ZNF568: variants seen among roughly 807,000 people sequenced by gnomAD.
The protein encoded by ZNF568 is zinc finger protein 568.
A neutral mutation model predicts 18.1 loss-of-function variants in ZNF568; 11 were observed. The observed-to-expected ratio is 0.61, with a 90% CI of 0.38 to 1.00. The LOEUF (loss-of-function observed/expected upper bound fraction) is 1.00, where lower values mean the gene tolerates loss of function less well. Ranked by LOEUF, ZNF568 falls within the 50% of genes least tolerant of loss-of-function variation. The pLI, the probability that ZNF568 is intolerant of heterozygous loss-of-function variation, is 0.01. For missense variants in ZNF568, 639 were observed against 768.2 expected, an observed-to-expected ratio of 0.83 and a Z score of 1.99; for synonymous variants, 213 against 246.6, an observed-to-expected ratio of 0.86 and a Z score of 1.28.
At chr19:36,964,133 T>G (rs989260674) in intron 6 of ZNF568, among the ~76,000 whole-genome samples, 3 of 139,120 alleles carry the variant, frequency 2.2e-5, no homozygotes, top group Non-Finnish European at 4.7e-5. Flanking sequence ...TTGTAAGATC[T>G]CAGGAAGGAA....
At position 36,950,286 on chromosome 19, in the gene ZNF568, C is replaced by G. The variant is rs753038438; in HGVS notation, c.1133C>G (p.Thr378Arg). 1 of 1,613,700 alleles carries G rather than the reference C, an allele frequency of 6.2e-7. No homozygotes were observed. The highest frequency in any genetic ancestry group is 8.5e-7 in the Non-Finnish European group (1 of 1,179,952). The change falls in exon 7 of 7, where the codon ACG becomes AGG. Residue 378 changes from threonine (T) to arginine (R), a missense_variant. Physicochemically the swap from Thr to Arg is moderately conservative, Grantham distance 71. Transcript: ENST00000333987. Reference protein sequence around the residue: ...GRAFSRMSSVTLHMRSHTGEK... With the variant: ...GRAFSRMSSVRLHMRSHTGEK... ...GCTTTTTCTCGAATGTCATCTGTTA[C>G]GCTACATATGAGAAGTCACACAGGG...
intron 2 of ZNF568, among the ~76,000 whole-genome samples, chr19:36,986,212 T>C (rs2547051): frequency 0.53 from 80,792 of 151,702 alleles, 22,004 homozygotes; most frequent in African/African-American, 0.61. Context: ...TCAGGCAGTT[T>C]TCCTAGCGGA....
intron 6 of ZNF568, among the ~76,000 whole-genome samples, chr19:36,943,981 C>T (rs779832638): frequency 5.0e-4 from 76 of 152,084 alleles, no homozygotes; most frequent in Non-Finnish European, 1.0e-3. Flanking sequence ...AAAACTTTTG[C>T]CTCTTTTAGC....
At chr19:36,981,507 A>G (rs2074331094), downstream of ZNF568, among the ~76,000 whole-genome samples, 1 of 152,238 alleles carries the variant, frequency 6.6e-6, no homozygotes, top group South Asian at 2.1e-4. Flanking sequence ...TTTTATAATT[A>G]GAGTCTTACA....
intron 6 of ZNF568, among the ~76,000 whole-genome samples, chr19:36,964,511 T>G (rs2074179363): frequency 6.6e-6 from 1 of 152,144 alleles, no homozygotes; most frequent in South Asian, 2.1e-4. Flanking sequence ...ATCTGATCTT[T>G]AAGTCAAAAT....
chr19:36,978,773 T>C (rs1463091420), intron 7 of ZNF568, among the ~76,000 whole-genome samples: 1 of 152,144 alleles, frequency 6.6e-6, no homozygotes, highest in Non-Finnish European at 1.5e-5. Flanking sequence ...CGTGTTAAAC[T>C]ACTAGCAGTT....
chr19:36,984,943 T>C (rs1600854888), intron 2 of ZNF568, among the ~76,000 whole-genome samples: 1 of 129,378 alleles, frequency 7.7e-6, no homozygotes, highest in Non-Finnish European at 1.6e-5. Flanking sequence ...TTAAGACTTA[T>C]TGGGCTTCCT....
chr19:36,981,041 C>T (rs1313495826), downstream of ZNF568, among the ~76,000 whole-genome samples: 1 of 152,202 alleles, frequency 6.6e-6, no homozygotes, highest in African/African-American at 2.4e-5. Flanking sequence ...TTCCCAAGAG[C>T]TGGGACAAAG....
rs377015408 is a variant in ZNF568, at chr19:36,960,742, A to AT, written c.359-13669dup. On this transcript the variant is annotated intron_variant, in intron 6 of 7. Coordinates refer to the ZNF568 transcript ENST00000427117. Reference sequence around the variant, plus strand: ...AAACTCCATCTCAAAAAAAAAAAAAATTTTTTTTTCTTTCAATTTTCATTT... The same window carrying AT: ...AAACTCCATCTCAAAAAAAAAAAAAATTTTTTTTTTCTTTCAATTTTCATTT... Among the ~76,000 whole-genome samples the AT allele has an allele frequency of 2.8e-3, 387 of 137,110 alleles. 3 individuals carry two copies. The highest frequency in any genetic ancestry group is 9.9e-3 in the African/African-American group (362 of 36,672). The allele number at this position is 137,110 out of a possible 152,430, so 89.9% of individuals were successfully genotyped here.
chr19:36,925,310 G>T, intron 4 of ZNF568, 52 bp downstream of exon 4: 1 of 1,528,396 alleles, frequency 6.5e-7, no homozygotes, highest in Non-Finnish European at 9.0e-7. Flanking sequence ...GTGCAGTTAC[G>T]GTGGGTTCTT....
chr19:36,927,555 G>A (rs1037828052), intron 4 of ZNF568, among the ~76,000 whole-genome samples: 5 of 151,596 alleles, frequency 3.3e-5, no homozygotes, highest in Non-Finnish European at 5.9e-5. Context: ...ATTTATATCA[G>A]TACTGTACTT....
At chr19:36,926,337 A>G (rs1356683420) in intron 4 of ZNF568, among the ~76,000 whole-genome samples, 4 of 152,144 alleles carry the variant, frequency 2.6e-5, no homozygotes, top group Admixed American at 6.5e-5. Context: ...TGTCTTTCAC[A>G]TCATGAAATA....
intron 2 of ZNF568, among the ~76,000 whole-genome samples, chr19:36,987,517 C>A (rs1447553659): frequency 2.0e-5 from 3 of 152,158 alleles, no homozygotes; most frequent in African/African-American, 7.2e-5. Context: ...GGCTGGAACC[C>A]TCTGTTGTAG....
chr19:36,965,946 C>T (rs375981638), intron 6 of ZNF568, among the ~76,000 whole-genome samples: 31 of 151,244 alleles, frequency 2.0e-4, no homozygotes, highest in Middle Eastern at 3.4e-3. Flanking sequence ...GTGATCTGCC[C>T]GCCTCGGCCT....
chr19:36,974,707 CAG>C (rs961562660), intron 7 of ZNF568, among the ~76,000 whole-genome samples: 14 of 152,074 alleles, frequency 9.2e-5, no homozygotes, highest in Admixed American at 7.2e-4. Flanking sequence ...ACAGTGTTGA[CAG>C]AGAACATGCC....
At chr19:36,953,470 C>A (rs962084261), downstream of ZNF568, among the ~76,000 whole-genome samples, 3 of 152,124 alleles carry the variant, frequency 2.0e-5, no homozygotes, top group Non-Finnish European at 2.9e-5. Flanking sequence ...TGAACTTAGA[C>A]CCTGAGCACT....
rs386388962 is a variant in ZNF568, at chr19:36,939,532, C to CTTTTTTTTTTT, written c.358+2305_358+2315dup. 1.6e-3 allele frequency among the ~76,000 whole-genome samples: 145 copies of CTTTTTTTTTTT among 93,066 alleles called. 6 individuals are homozygous for CTTTTTTTTTTT. The highest frequency in any genetic ancestry group is 1.9e-3 in the African/African-American group (44 of 23,080). The allele number at this position is 93,066 out of a possible 152,430, so 61.1% of individuals were successfully genotyped here. The stretch of plus-strand genomic sequence containing the variant: ...GGTTCATTGAAGATGTATTTTCTTT[C>CTTTTTTTTTTT]TTTTTTTTTTTTTTTTTTTTTTTTT... On this transcript the variant is annotated intron_variant, in intron 6 of 6. Coordinates refer to ENST00000333987, the MANE Select transcript of ZNF568 (RefSeq NM_198539.4).
intron 6 of ZNF568, among the ~76,000 whole-genome samples, chr19:36,940,100 C>G (rs1173302401): frequency 6.6e-6 from 1 of 152,138 alleles, no homozygotes; most frequent in Non-Finnish European, 1.5e-5. Context: ...GGACATCACC[C>G]AAAGTAGTTC....
chr19:36,933,942 TA>T (rs2073742093), intron 4 of ZNF568, among the ~76,000 whole-genome samples: 2 of 122,520 alleles, frequency 1.6e-5, no homozygotes, highest in African/African-American at 6.5e-5. Flanking sequence ...TTTTTTTTTT[TA>T]GTAATTCAGT....
Sources: gnomAD v4.1 joint callset for allele counts (sites outside exome capture counted in the v4.1 genomes callset) on GRCh38, gnomAD v4.1.1 for gene constraint, MANE v1.5 for transcripts, NCBI Gene and HGNC (gene_info 2026-07-23, HGNC 2026-07-21) for gene names.